NFATC4: variants seen among roughly 807,000 people sequenced by gnomAD.
NFATC4 encodes nuclear factor of activated T-cells, cytoplasmic 4.
In NFATC4, 25 loss-of-function variants were observed where a neutral mutation model predicts 73.4. The ratio of observed to expected loss-of-function variants is 0.34; its 90% confidence interval spans 0.25 to 0.48. The LOEUF (loss-of-function observed/expected upper bound fraction) is 0.48, where lower values mean the gene tolerates loss of function less well. Ranked by LOEUF, NFATC4 falls within the 20% of genes least tolerant of loss-of-function variation. NFATC4 has a pLI of 0.99. For missense variants in NFATC4, 1,130 were observed against 1,203.7 expected (o/e 0.94, Z 0.91); for synonymous variants, 523 against 510.3 (o/e 1.02, Z -0.34).
At chr14:24,374,020 C>T in intron 5 of NFATC4, 153 bp downstream of exon 5, 5 of 1,169,302 alleles carry the variant, frequency 4.3e-6, no homozygotes, top group Non-Finnish European at 6.2e-6. Flanking sequence ...TTCTAGTTTG[C>T]CCCTGCCACA....
At position 24,376,920 on chromosome 14, in the gene NFATC4, G is replaced by A. The variant is rs1463396801; in HGVS notation, c.2641+42G>A. On this transcript the variant is annotated intron_variant, in intron 9 of 9. Transcript: ENST00000250373. The surrounding 1 kb of genome is among the most constrained non-coding windows in gnomAD (Gnocchi z 5.0). ...GGGCTGTGAGTGTGAGTGTGTGCAA[G>A]AGATTGCTCTGCATGTTTGCTGAGG... 1 of 1,487,588 alleles carries A rather than the reference G, an allele frequency of 6.7e-7. No individual in the cohort carries two copies. The highest frequency in any genetic ancestry group is 1.4e-5 in the African/African-American group (1 of 70,896). The allele number at this position is 1,487,588 out of a possible 1,614,324, so 92.1% of individuals were successfully genotyped here.
At position 24,370,530 on chromosome 14, in the gene NFATC4, C is replaced by T; in HGVS notation, c.1132C>T (p.Leu378=). Residue 378 remains leucine (L), a synonymous_variant, in exon 2 of 10, where the codon CTG becomes TTG. Coordinates refer to ENST00000250373, the MANE Select transcript of NFATC4 (RefSeq NM_004554.5). Reference sequence around the variant, plus strand: ...GAAGGAGGTGGCTGGCATGGACTACCTGGCAGTGCCCTCCCCACTCGCTTG... The same window carrying T: ...GAAGGAGGTGGCTGGCATGGACTACTTGGCAGTGCCCTCCCCACTCGCTTG... The part of the protein sequence containing the change: ...SRKEVAGMDY[L]AVPSPLAWSK... 1 of 1,614,082 alleles carries T rather than the reference C, an allele frequency of 6.2e-7. No individual in the cohort carries two copies. The highest frequency in any genetic ancestry group is 8.5e-7 in the Non-Finnish European group (1 of 1,179,926).
chr14:24,376,170 C>A lies in NFATC4; in HGVS notation c.2056+69C>A. The A allele has an allele frequency of 1.2e-6, 2 of 1,606,438 alleles. No homozygotes were observed. Among genetic ancestry groups the A allele is most frequent in the Admixed American group, 3.4e-5 (2 of 59,594 alleles). ...GAGCTGGAGCAGGAGCAGAGGGAAG[C>A]AGTACTCATCATGAGGGGCCAAGGG... On this transcript the variant is annotated intron_variant, in intron 8 of 9. Transcript: ENST00000250373. The surrounding 1 kb of genome is among the most constrained non-coding windows in gnomAD (Gnocchi z 5.0).
In NFATC4 at chr14:24,373,058, G is replaced by T; in HGVS notation, c.1360-113G>T. ...AGTTCCCCAAGGGATTCCCTTGCAG[G>T]ATATCCTTTATCTTTCACCATTCCC... On this transcript the variant is annotated intron_variant, in intron 3 of 9. Coordinates refer to ENST00000250373, the MANE Select transcript of NFATC4 (RefSeq NM_004554.5). This position sits in a 1 kb window ranked among gnomAD's most constrained non-coding sequence, Gnocchi z 4.7. 1 of 1,071,582 alleles carries T rather than the reference G, an allele frequency of 9.3e-7. No individual in the cohort carries two copies. Among genetic ancestry groups the T allele is most frequent in the Non-Finnish European group, 1.3e-6 (1 of 742,038 alleles). 66.4% of individuals were successfully genotyped at this position (1,071,582 alleles called of 1,614,324 possible).
In NFATC4 at chr14:24,373,910, T is replaced by C. The variant is rs750925454; in HGVS notation, c.1732+43T>C. The C allele has an allele frequency of 6.2e-7, 1 of 1,611,356 alleles. No homozygotes were observed. The highest frequency in any genetic ancestry group is 8.5e-7 in the Non-Finnish European group (1 of 1,178,708). On this transcript the variant is annotated intron_variant, in intron 5 of 9. Transcript: ENST00000250373. The surrounding 1 kb of genome is among the most constrained non-coding windows in gnomAD (Gnocchi z 4.7). ...GGGCCATGTCTCTGTCTCTTGCAAC[T>C]CTTTTGTCTGTGTGTGTGTGTCTGT...
chr14:24,369,154 TG>T (rs1193602484), intron 1 of NFATC4: 1 of 1,467,622 alleles, frequency 6.8e-7, no homozygotes, highest in Admixed American at 2.4e-5. Flanking sequence ...ATTGGGTTCA[TG>T]TGTGAGTCGC....
At position 24,369,757 on chromosome 14, in the gene NFATC4, C is replaced by T; in HGVS notation, c.359C>T (p.Ser120Phe). ...GAGTGTCCCAGCATCCGCATCACCT[C>T]CATCTCTCCCACGCCGGAGCCGCCA... ...VLECPSIRIT[S>F]ISPTPEPPAA... Residue 120 changes from serine to phenylalanine, a missense_variant, in exon 2 of 10, where the codon TCC (serine) becomes TTC (phenylalanine). By Grantham distance (155) the Ser-to-Phe change is radical (BLOSUM62 -2). This residue lies in a region of NFATC4 where 585 missense variants were observed against 574.3 expected (regional missense o/e 1.02). Coordinates refer to ENST00000250373, the MANE Select transcript of NFATC4 (RefSeq NM_004554.5). 6.2e-7 allele frequency: 1 copy of T among 1,602,868 alleles called. No homozygotes were observed.
In NFATC4 at chr14:24,373,860, C is replaced by T. The variant is rs534231892; in HGVS notation, c.1725C>T (p.Ile575=). The T allele has an allele frequency of 7.7e-5, 124 of 1,613,910 alleles. No individual in the cohort carries two copies. The South Asian group carries it at 8.6e-4, about 11-fold the overall frequency. The stretch of plus-strand genomic sequence containing the variant: ...CAGTACAGGCAGCATCGGTGCCCAT[C>T]GAGTGCTGTGAGCAAAGAGGCCCTG... The part of the protein sequence containing the change: ...VVSVQAASVP[I]ECSQRSAQEL... The change falls in exon 5 of 10, where the codon ATC becomes ATT. Residue 575 remains isoleucine (I), a synonymous_variant. Coordinates refer to ENST00000250373, the MANE Select transcript of NFATC4 (RefSeq NM_004554.5). This position sits in a 1 kb window ranked among gnomAD's most constrained non-coding sequence, Gnocchi z 4.7.
At chr14:24,367,066 C>T, upstream of NFATC4, 5 of 1,613,740 alleles carry the variant, frequency 3.1e-6, no homozygotes, top group South Asian at 2.2e-5. Flanking sequence ...TGATAACCAC[C>T]CTCCCATCTC....
chr14:24,366,960 G>A (rs1000471337), upstream of NFATC4: 1 of 1,560,892 alleles, frequency 6.4e-7, no homozygotes, highest in African/African-American at 1.4e-5. Context: ...TGCTGGGATG[G>A]GGCGGCGTTG....
chr14:24,376,561 C>T lies in NFATC4; in HGVS notation c.2324C>T (p.Ala775Val). Residue 775 changes from alanine (A) to valine (V), a missense_variant, in exon 9 of 10, where the codon GCC becomes GTC. Physicochemically the swap from Ala to Val is moderately conservative, Grantham distance 64. Transcript: ENST00000250373. The surrounding 1 kb of genome is among the most constrained non-coding windows in gnomAD (Gnocchi z 5.0). ...FPETRGTTGCAQPPAVSFLPR... is the reference protein window; with the variant it reads ...FPETRGTTGCVQPPAVSFLPR... ...GAGACTAGGGGTACCACAGGTTGTG[C>T]CCAACCACCTGCAGTTTCCTTCCTT... is the stretch of plus-strand genomic sequence containing the variant. 6.2e-7 allele frequency: 1 copy of T among 1,614,002 alleles called. No homozygotes were observed. The highest frequency in any genetic ancestry group is 8.5e-7 in the Non-Finnish European group (1 of 1,179,984).
At chr14:24,368,091 G>A (rs372660752), upstream of NFATC4, 3 of 1,180,992 alleles carry the variant, frequency 2.5e-6, no homozygotes, top group East Asian at 3.9e-5. Context: ...ATCCCTGGAG[G>A]AGGGGCTGGA....
At position 24,373,606 on chromosome 14, in the gene NFATC4, T is replaced by C; in HGVS notation, c.1560-89T>C. The C allele has an allele frequency of 6.5e-7, 1 of 1,533,678 alleles. No individual in the cohort carries two copies. The highest frequency in any genetic ancestry group is 8.8e-7 in the Non-Finnish European group (1 of 1,136,378). On this transcript the variant is annotated intron_variant, in intron 4 of 9. Coordinates refer to ENST00000250373, the MANE Select transcript of NFATC4 (RefSeq NM_004554.5). The surrounding 1 kb of genome is among the most constrained non-coding windows in gnomAD (Gnocchi z 4.7). ...ACTCATCGAAAGTCATTCAAGGCTT[T>C]GGATGGAGGGCGGGAACTTCCCTCT...
chr14:24,377,697 C>A lies in NFATC4; in HGVS notation c.2701C>A (p.Pro901Thr). ...CCCTGCACCTCCTGGAGAAGAGCCTCCTGCCTGAACCACGTGAACTGTCAT... is the reference window on the plus strand; with the variant it reads ...CCCTGCACCTCCTGGAGAAGAGCCTACTGCCTGAACCACGTGAACTGTCAT... ...GFPAPPGEEPPA is the reference protein window; with the variant it reads ...GFPAPPGEEPTA The change falls in exon 10 of 10, where the codon CCT becomes ACT. Residue 901 changes from proline to threonine, a missense_variant. This residue lies in a region of NFATC4 where 390 missense variants were observed against 408.1 expected (regional missense o/e 0.96). Coordinates refer to ENST00000250373, the MANE Select transcript of NFATC4 (RefSeq NM_004554.5). The surrounding 1 kb of genome is among the most constrained non-coding windows in gnomAD (Gnocchi z 4.2). 1 of 1,614,208 alleles carries A rather than the reference C, an allele frequency of 6.2e-7. No homozygotes were observed. The highest frequency in any genetic ancestry group is 2.2e-5 in the East Asian group (1 of 44,882).
At position 24,377,733 on chromosome 14, in the gene NFATC4, C is replaced by T. The variant is rs372083464; in HGVS notation, c.*28C>T. 2 of 1,614,140 alleles carry T rather than the reference C, an allele frequency of 1.2e-6. No individual in the cohort carries two copies. Among genetic ancestry groups the T allele is most frequent in the Admixed American group, 3.3e-5 (2 of 60,024 alleles). On this transcript the variant is annotated 3_prime_UTR_variant, in exon 10 of 10. Transcript: ENST00000250373. This position sits in a 1 kb window ranked among gnomAD's most constrained non-coding sequence, Gnocchi z 4.2. The stretch of plus-strand genomic sequence containing the variant: ...CACGTGAACTGTCATCACCTGGCAA[C>T]CCCAGCCCCAGCCTCAGCCCTGCCC...
chr14:24,370,021 G>T lies in NFATC4; in HGVS notation c.623G>T (p.Arg208Leu). The T allele has an allele frequency of 6.2e-7, 1 of 1,611,902 alleles. No individual in the cohort carries two copies. ...VESELNEAAS[R>L]FGLGSPLPSP... is the part of the protein sequence containing the mutation. ...TCTGAGCTAAATGAGGCGGCCTCCC[G>T]CTTTGGCCTGGGCTCCCCGCTGCCC... Residue 208 changes from arginine (R) to leucine (L), a missense_variant, in exon 2 of 10, where the codon CGC (arginine) becomes CTC (leucine). By Grantham distance (102) the Arg-to-Leu change is moderately radical. Coordinates refer to ENST00000250373, the MANE Select transcript of NFATC4 (RefSeq NM_004554.5).
upstream of NFATC4, chr14:24,367,305 T>A (rs1429275977): frequency 3.2e-6 from 5 of 1,553,488 alleles, no homozygotes; most frequent in Admixed American, 9.6e-5. Flanking sequence ...AGGCCCCTAG[T>A]AAACCTGGCA....
rs755820501 is a variant in NFATC4 at position 24,376,803 on chromosome 14, C to G, written c.2566C>G (p.Gln856Glu). 3 of 1,608,624 alleles carry G rather than the reference C, an allele frequency of 1.9e-6. No individual in the cohort carries two copies. The highest frequency in any genetic ancestry group is 2.5e-6 in the Non-Finnish European group (3 of 1,178,072). ...GYGPGEGAPE[Q>E]EKSRGGYSSG... ...TGGCCCTGGGGAGGGGGCTCCGGAG[C>G]AGGAGAAATCCAGGGGTGGCTACAG... Residue 856 changes from glutamine to glutamate, a missense_variant, in exon 9 of 10, where the codon CAG becomes GAG. Physicochemically the swap from Gln to Glu is conservative, Grantham distance 29 (BLOSUM62 2). Coordinates refer to ENST00000250373, the MANE Select transcript of NFATC4 (RefSeq NM_004554.5). The surrounding 1 kb of genome is among the most constrained non-coding windows in gnomAD (Gnocchi z 5.0).
In NFATC4 at chr14:24,369,800, C is replaced by T. The variant is rs1183626850; in HGVS notation, c.402C>T (p.Asn134=). The T allele has an allele frequency of 6.3e-7, 1 of 1,597,346 alleles. No individual in the cohort carries two copies. The highest frequency in any genetic ancestry group is 8.5e-7 in the Non-Finnish European group (1 of 1,171,854). ...TPEPPAALED[N]PDAWGDGSPR... ...AGCCGCCAGCAGCGCTGGAGGACAA[C>T]CCTGATGCCTGGGGGGACGGCTCTC... is the stretch of plus-strand genomic sequence containing the variant. The change falls in exon 2 of 10, where the codon AAC becomes AAT. Residue 134 remains asparagine (N), a synonymous_variant. Transcript: ENST00000250373.
Sources: allele counts gnomAD v4.1 joint callset, GRCh38; gene constraint gnomAD v4.1.1; regional missense constraint gnomAD v4.1.1; non-coding constraint Gnocchi (gnomAD v3.1); transcripts MANE v1.5; gene names NCBI Gene and HGNC (gene_info 2026-07-23, HGNC 2026-07-21).